LINGO2: variants seen among roughly 807,000 people sequenced by gnomAD.
LINGO2 encodes the protein leucine-rich repeat and immunoglobulin-like domain-containing nogo receptor-interacting protein 2.
A neutral mutation model predicts 30.6 loss-of-function variants in LINGO2; 14 were observed. The ratio of observed to expected loss-of-function variants is 0.46; its 90% confidence interval spans 0.30 to 0.72. LINGO2 has a LOEUF of 0.72. Ranked by LOEUF, LINGO2 falls within the 30% of genes least tolerant of loss-of-function variation. LINGO2 has a pLI of 0.07. For missense variants in LINGO2, 729 were observed against 751.7 expected (o/e 0.97, Z 0.35); for synonymous variants, 317 against 288.5 (o/e 1.10, Z -1.00).
chr9:28,352,179 G>C (rs1360536077), intron 3 of LINGO2, among the ~76,000 whole-genome samples: 1 of 151,824 alleles, frequency 6.6e-6, no homozygotes, highest in Middle Eastern at 3.2e-3. Flanking sequence ...GGAAATAAAG[G>C]GTATTCAGTT....
chr9:29,140,851 G>C, the LINGO2 span, among the ~76,000 whole-genome samples: 1 of 151,856 alleles, frequency 6.6e-6, no homozygotes, highest in Non-Finnish European at 1.5e-5. Context: ...AACCATGGAG[G>C]CCAAAGGTAG....
the LINGO2 span, among the ~76,000 whole-genome samples, chr9:29,165,607 T>C: frequency 3.3e-5 from 5 of 152,112 alleles, no homozygotes; most frequent in African/African-American, 1.2e-4. Flanking sequence ...TCAAGATTCA[T>C]AACTACTAGG....
In LINGO2 at chr9:27,948,945, C is replaced by T. The variant is rs199542934; in HGVS notation, c.1727G>A (p.Ser576Asn). The T allele has an allele frequency of 7.4e-6, 12 of 1,614,090 alleles. No homozygotes were observed. In the Admixed American group the frequency reaches 1.2e-4, roughly 16 times the overall value. ...TCTGGGCACATACTCAAGGTCAATG[C>T]TGTTTTTGTGCTTGCCTTTCCCTCG... The change falls in exon 6 of 6, where the codon AGC (serine) becomes AAC (asparagine). Residue 576 changes from serine to asparagine, a missense_variant. Transcript: ENST00000379992.
chr9:28,559,900 C>T (rs1377456855), intron 1 of LINGO2, among the ~76,000 whole-genome samples: 2 of 151,970 alleles, frequency 1.3e-5, no homozygotes, highest in Non-Finnish European at 2.9e-5. Flanking sequence ...CAGGGACTTA[C>T]TTTCACCAGC....
intron 2 of LINGO2, among the ~76,000 whole-genome samples, chr9:28,404,926 G>GTGTGTGTGTGTGTT (rs1554717019): frequency 0.016 from 2,466 of 150,902 alleles, 21 homozygotes; most frequent in African/African-American, 0.025. Context: ...GTGTGTGTGT[G>GTGTGTGTGTGTGTT]TAAAATTCCA....
At chr9:29,085,000 T>C in the LINGO2 span, among the ~76,000 whole-genome samples, 1 of 151,892 alleles carries the variant, frequency 6.6e-6, no homozygotes, top group East Asian at 1.9e-4. Flanking sequence ...TGTTTTGGTT[T>C]TTATTGCTCA....
the LINGO2 span, among the ~76,000 whole-genome samples, chr9:28,956,355 T>C: frequency 6.6e-6 from 1 of 152,134 alleles, no homozygotes; most frequent in South Asian, 2.1e-4. Flanking sequence ...GAGCTCTCCC[T>C]GTGCTCTTGC....
chr9:28,753,038 T>C, the LINGO2 span, among the ~76,000 whole-genome samples: 3 of 152,104 alleles, frequency 2.0e-5, no homozygotes, highest in African/African-American at 7.3e-5. Context: ...GGCTGTCACC[T>C]GGAGATTTTT....
chr9:28,639,295 T>C (rs1827450149), intron 1 of LINGO2, among the ~76,000 whole-genome samples: 1 of 152,204 alleles, frequency 6.6e-6, no homozygotes, highest in African/African-American at 2.4e-5. Flanking sequence ...ATGTATATTC[T>C]GTTGATTTGG....
At chr9:29,074,268 TCA>T in the LINGO2 span, among the ~76,000 whole-genome samples, 13 of 151,092 alleles carry the variant, frequency 8.6e-5, no homozygotes, top group Non-Finnish European at 1.8e-4. Flanking sequence ...AGACAATAGA[TCA>T]AATGTTATCA....
At chr9:29,123,296 G>C in the LINGO2 span, among the ~76,000 whole-genome samples, 34 of 151,806 alleles carry the variant, frequency 2.2e-4, no homozygotes, top group African/African-American at 8.0e-4. Flanking sequence ...CTACTTTCTT[G>C]CTATACACTT....
chr9:28,911,473 T>C, the LINGO2 span, among the ~76,000 whole-genome samples: 1 of 152,024 alleles, frequency 6.6e-6, no homozygotes. Context: ...TCCATTTTTT[T>C]CCTACTATCT....
intron 4 of LINGO2, among the ~76,000 whole-genome samples, chr9:28,027,831 G>C (rs556314604): frequency 3.3e-5 from 5 of 152,258 alleles, no homozygotes; most frequent in African/African-American, 1.2e-4. Context: ...GCAATTGGTA[G>C]TGATGCTCTT....
At chr9:28,189,289 GAGGAAGGAAGGA>G (rs779746664) in intron 4 of LINGO2, among the ~76,000 whole-genome samples, 1 of 17,280 alleles carries the variant, frequency 5.8e-5, no homozygotes, top group African/African-American at 2.2e-4. Flanking sequence ...GGGAGGGAGG[GAGGAAGGAAGGA>G]AGGGAGGAAG....
At chr9:28,364,039 C>T (rs1276103153) in intron 3 of LINGO2, among the ~76,000 whole-genome samples, 4 of 151,606 alleles carry the variant, frequency 2.6e-5, no homozygotes, top group Non-Finnish European at 5.9e-5. Flanking sequence ...TGGCTGTTAC[C>T]CCTGGTAGTC....
At chr9:28,482,208 C>G (rs1195498050) in intron 1 of LINGO2, among the ~76,000 whole-genome samples, 1 of 151,876 alleles carries the variant, frequency 6.6e-6, no homozygotes, top group Non-Finnish European at 1.5e-5. Context: ...CACTGACTTC[C>G]ACAATGGTTG....
chr9:28,049,193 T>TCA, intron 4 of LINGO2, among the ~76,000 whole-genome samples: 1 of 150,848 alleles, frequency 6.6e-6, no homozygotes, highest in Non-Finnish European at 1.5e-5. Context: ...TGGCCCATAG[T>TCA]CATCCCTTGT....
At chr9:28,154,772 T>G (rs1564006358) in intron 4 of LINGO2, among the ~76,000 whole-genome samples, 1 of 152,218 alleles carries the variant, frequency 6.6e-6, no homozygotes, top group Non-Finnish European at 1.5e-5. Flanking sequence ...AGTAATGCCC[T>G]AATAGGATTA....
At chr9:29,112,926 A>G in the LINGO2 span, among the ~76,000 whole-genome samples, 1 of 152,208 alleles carries the variant, frequency 6.6e-6, no homozygotes, top group Non-Finnish European at 1.5e-5. Context: ...GAAGATACTA[A>G]TATCATCCCA....
Sources: gnomAD v4.1 joint callset for allele counts (sites outside exome capture counted in the v4.1 genomes callset) on GRCh38, gnomAD v4.1.1 for gene constraint, MANE v1.5 for transcripts, NCBI Gene and HGNC (gene_info 2026-07-23, HGNC 2026-07-21) for gene names.